PPP2R5C: variants seen among roughly 807,000 people sequenced by gnomAD.
The protein encoded by PPP2R5C is protein phosphatase 2 regulatory subunit B'gamma, also known as serine/threonine-protein phosphatase 2A 56 kDa regulatory subunit gamma isoform.
Under a neutral mutation model 68.9 loss-of-function variants are expected in PPP2R5C, and 7 were observed. The ratio of observed to expected loss-of-function variants is 0.10; its 90% CI spans 0.06 to 0.19. The LOEUF (loss-of-function observed/expected upper bound fraction) is 0.19, where lower values mean the gene tolerates loss of function less well. PPP2R5C is among the 10% of genes least tolerant of loss of function. PPP2R5C has a pLI of 1.00. For missense variants in PPP2R5C, 348 were observed against 641.3 expected (o/e 0.54, Z 4.94); for synonymous variants, 210 against 222.2 (o/e 0.95, Z 0.49).
intron 1 of PPP2R5C, among the ~76,000 whole-genome samples, chr14:101,848,546 A>AAAAG (rs997224724): frequency 6.6e-6 from 1 of 152,064 alleles, no homozygotes; most frequent in African/African-American, 2.4e-5. Context: ...TCAAAAAAAA[A>AAAAG]AAAGAAAGAA....
In PPP2R5C at chr14:101,821,567, A is replaced by C. The variant is rs115626046; in HGVS notation, c.94+11531A>C. On this transcript the variant is annotated intron_variant, in intron 1 of 13. Transcript: ENST00000334743. ...TGTTTCATTTCTTTAAAAAATTGACATGAGAGCAGTTTTAGTAACAAAAAC... is the reference window on the plus strand; with the variant it reads ...TGTTTCATTTCTTTAAAAAATTGACCTGAGAGCAGTTTTAGTAACAAAAAC... 5.0e-3 allele frequency among the ~76,000 whole-genome samples: 761 copies of C among 151,514 alleles called. 6 individuals are homozygous for C. Among genetic ancestry groups the C allele is most frequent in the African/African-American group, 0.017 (715 of 41,230 alleles).
At position 101,913,041 on chromosome 14, in the gene PPP2R5C, G is replaced by A. The variant is rs561866506; in HGVS notation, c.1326+568G>A. On this transcript the variant is annotated intron_variant, in intron 12 of 13. Transcript: ENST00000334743. This position sits in a 1 kb window ranked among gnomAD's most constrained non-coding sequence, Gnocchi z 4.1. ...GTCTGCGCCGATGGCCGGACGTCCC[G>A]GAGCTGCCGGCAGTTCCAGCTGCCG... Among the ~76,000 whole-genome samples, 136 of 152,294 alleles carry A rather than the reference G, an allele frequency of 8.9e-4. No individual in the cohort carries two copies. Among genetic ancestry groups the A allele is most frequent in the African/African-American group, 3.2e-3 (133 of 41,552 alleles).
chr14:101,795,802 A>AT (rs2038579114), intron 3 of PPP2R5C, among the ~76,000 whole-genome samples: 4 of 152,136 alleles, frequency 2.6e-5, no homozygotes, highest in Admixed American at 2.6e-4. Flanking sequence ...TGCAAATACA[A>AT]TACTTCACCC....
At chr14:101,761,713 C>CCGCCGCCGT (rs1555376573), upstream of PPP2R5C, 1 of 708,950 alleles carries the variant, frequency 1.4e-6, no homozygotes, top group East Asian at 1.3e-4. Context: ...GCCGCCGCCG[C>CCGCCGCCGT]CGTGGCTGCC....
intron 2 of PPP2R5C, among the ~76,000 whole-genome samples, chr14:101,864,983 G>A (rs1341764151): frequency 7.9e-5 from 12 of 152,214 alleles, no homozygotes; most frequent in Admixed American, 7.2e-4. Context: ...TTTGATGGCA[G>A]AGAGAAATGG....
At chr14:101,863,873 G>A (rs1466137577) in intron 2 of PPP2R5C, among the ~76,000 whole-genome samples, 1 of 152,140 alleles carries the variant, frequency 6.6e-6, no homozygotes, top group Non-Finnish European at 1.5e-5. Flanking sequence ...ACTCCAGCCT[G>A]CGCACCACAG....
chr14:101,900,946 CAG>C (rs975457723), intron 8 of PPP2R5C, among the ~76,000 whole-genome samples: 11 of 152,234 alleles, frequency 7.2e-5, no homozygotes, highest in African/African-American at 2.7e-4. Context: ...GGTGTGCGCA[CAG>C]AGAGCACAGT....
chr14:101,881,338 T>C (rs1218441313), intron 2 of PPP2R5C, among the ~76,000 whole-genome samples: 1 of 152,120 alleles, frequency 6.6e-6, no homozygotes, highest in Non-Finnish European at 1.5e-5. Context: ...AGGCAGAGGT[T>C]GTGATGAGTC....
chr14:101,864,567 G>A (rs1452510709), intron 2 of PPP2R5C, among the ~76,000 whole-genome samples: 1 of 152,198 alleles, frequency 6.6e-6, no homozygotes. Flanking sequence ...GGCATAGGAG[G>A]CCTAACCCCT....
Position 101,891,147 on chromosome 14 carries a change from C to T in PPP2R5C, c.689+851C>T, listed in dbSNP as rs557517053. ...ACTGTTTCCCAGAGTTCCTCAGGGT[C>T]CCATGGTTAGTAAGTGTGGAAGTGC... On this transcript the variant is annotated intron_variant, in intron 6 of 13. Coordinates refer to ENST00000334743, the Ensembl canonical transcript of PPP2R5C. The surrounding 1 kb of genome is among the most constrained non-coding windows in gnomAD (Gnocchi z 4.9). Among the ~76,000 whole-genome samples the T allele has an allele frequency of 3.3e-5, 5 of 152,084 alleles. No homozygotes were observed. Among genetic ancestry groups the T allele is most frequent in the African/African-American group, 1.2e-4 (5 of 41,400 alleles).
intron 1 of PPP2R5C, chr14:101,824,338 T>TCTACA (rs1410880293): frequency 2.4e-6 from 1 of 409,144 alleles, no homozygotes; most frequent in Non-Finnish European, 4.0e-6. Context: ...TAGACATTTG[T>TCTACA]CTACGGGGAA....
chr14:101,809,420 G>A (rs1018262927), upstream of PPP2R5C, among the ~76,000 whole-genome samples: 7 of 151,364 alleles, frequency 4.6e-5, no homozygotes, highest in East Asian at 1.9e-4. Flanking sequence ...AAAAAACACT[G>A]GGTTGCCAGA....
At chr14:101,895,687 A>G (rs1240895955) in intron 8 of PPP2R5C, among the ~76,000 whole-genome samples, 1 of 152,218 alleles carries the variant, frequency 6.6e-6, no homozygotes, top group Non-Finnish European at 1.5e-5. Flanking sequence ...TCATATGGAT[A>G]GAACACATTG....
rs2045699057 is a variant in PPP2R5C at position 101,901,639 on chromosome 14, A to G, written c.853-80A>G. 2.8e-6 allele frequency: 4 copies of G among 1,449,192 alleles called. No individual in the cohort carries two copies. The Admixed American group carries it at 5.3e-5, about 19-fold the overall frequency. 89.8% of individuals were successfully genotyped at this position (1,449,192 alleles called of 1,614,324 possible). ...TGTTGCCTTGCAGTGGGGCCACCGC[A>G]GTGAAAACACAGACTTCTTACCATG... On this transcript the variant is annotated intron_variant, in intron 8 of 13. Transcript: ENST00000334743.
At position 101,825,620 on chromosome 14, in the gene PPP2R5C, G is replaced by A. The variant is rs1429851015; in HGVS notation, c.94+15584G>A. 2.6e-5 allele frequency among the ~76,000 whole-genome samples: 4 copies of A among 152,146 alleles called. No individual in the cohort carries two copies. The highest frequency in any genetic ancestry group is 9.7e-5 in the African/African-American group (4 of 41,434). On this transcript the variant is annotated intron_variant, in intron 1 of 13. Coordinates refer to ENST00000334743, the Ensembl canonical transcript of PPP2R5C. The surrounding 1 kb of genome is among the most constrained non-coding windows in gnomAD (Gnocchi z 4.0). ...GTGTCACTCCAATTCCATCATTCAG[G>A]TTTCACTGAACTTTCATGTTGGCAT... is the stretch of plus-strand genomic sequence containing the variant.
At chr14:101,918,087 A>T (rs2046785130) in intron 13 of PPP2R5C, 140 bp downstream of exon 15, 6 of 1,253,266 alleles carry the variant, frequency 4.8e-6, no homozygotes, top group African/African-American at 1.5e-5. Context: ...CTTATAGGAA[A>T]CATTGTATCG....
Position 101,836,388 on chromosome 14 carries a change from G to A in PPP2R5C, c.95-20298G>A, listed in dbSNP as rs1201568468. ...GCCCTTCTGCCTCTACTCCCGACCT[G>A]CCAACCTTAGCCTAAAATCAGAGCT... On this transcript the variant is annotated intron_variant, in intron 1 of 13. Transcript: ENST00000334743. The A allele has an allele frequency of 5.7e-6, 4 of 701,750 alleles. No homozygotes were observed. The African/African-American group carries it at 7.0e-5, about 12-fold the overall frequency. 43.5% of individuals were successfully genotyped at this position (701,750 alleles called of 1,614,324 possible).
At chr14:101,769,111 A>G (rs541943222) in intron 2 of PPP2R5C, among the ~76,000 whole-genome samples, 1 of 152,362 alleles carries the variant, frequency 6.6e-6, no homozygotes, top group Middle Eastern at 3.4e-3. Context: ...GGCGTGAGCC[A>G]CTGTGCCCAG....
intron 2 of PPP2R5C, among the ~76,000 whole-genome samples, chr14:101,862,151 A>G (rs956990231): frequency 6.6e-6 from 1 of 152,174 alleles, no homozygotes; most frequent in African/African-American, 2.4e-5. Context: ...CCTGTGCTCA[A>G]GCAATCCACA....
Sources: gnomAD v4.1 joint callset for allele counts (sites outside exome capture counted in the v4.1 genomes callset) on GRCh38, gnomAD v4.1.1 for gene constraint, Gnocchi (gnomAD v3.1) non-coding constraint, MANE v1.5 for transcripts, NCBI Gene and HGNC (gene_info 2026-07-23, HGNC 2026-07-21) for gene names.